The following MYO18B variants were observed in gnomAD, a reference collection of about 807,000 sequenced individuals.
The protein encoded by MYO18B is unconventional myosin-XVIIIb.
In MYO18B, 204 loss-of-function variants were observed where a neutral mutation model predicts 273.0. The observed-to-expected ratio is 0.75, with a 90% confidence interval of 0.67 to 0.84. The LOEUF is 0.84. Ranked by LOEUF, MYO18B falls within the 40% of genes least tolerant of loss-of-function variation. The pLI is 0.00. For synonymous variants in MYO18B, 1,330 were observed against 1,305.7 expected, an observed-to-expected ratio of 1.02 and a Z score of -0.40; for missense variants, 3,212 against 3,287.6, an observed-to-expected ratio of 0.98 and a Z score of 0.56.
At chr22:25,899,354 T>C (rs2091883099) in intron 29 of MYO18B, 1 of 152,200 alleles carries the variant, frequency 6.6e-6, no homozygotes, top group Non-Finnish European at 1.5e-5. Context: ...CTAATGGAGA[T>C]GTCATACTAG....
intron 39 of MYO18B, among the ~76,000 whole-genome samples, chr22:25,973,189 A>G (rs575376063): frequency 2.6e-5 from 4 of 152,254 alleles, no homozygotes; most frequent in African/African-American, 9.6e-5. Context: ...AGGTGTTCCA[A>G]TATTTACTAA....
intron 34 of MYO18B, among the ~76,000 whole-genome samples, chr22:25,923,772 T>A (rs2092382175): frequency 6.6e-6 from 1 of 152,200 alleles, no homozygotes; most frequent in Admixed American, 6.5e-5. Context: ...CCTGCCCATT[T>A]TCCATCAAAA....
At chr22:25,750,828 A>C (rs918580930) in intron 1 of MYO18B, among the ~76,000 whole-genome samples, 1 of 152,184 alleles carries the variant, frequency 6.6e-6, no homozygotes, top group Admixed American at 6.5e-5. Context: ...TCATGGAGGA[A>C]GGTGTCCCCA....
At chr22:25,974,876 G>A (rs2093071941) in intron 39 of MYO18B, among the ~76,000 whole-genome samples, 2 of 152,184 alleles carry the variant, frequency 1.3e-5, no homozygotes, top group Admixed American at 1.3e-4. Flanking sequence ...GCAGTGTCTG[G>A]CCTCCAGAGA....
At chr22:25,992,546 G>T in intron 40 of MYO18B, 53 bp downstream of exon 40, 1 of 1,609,724 alleles carries the variant, frequency 6.2e-7, no homozygotes, top group Non-Finnish European at 8.5e-7. Context: ...GCGGCATCCT[G>T]GGGAGCTCTA....
chr22:25,843,389 G>T (rs1480113300), intron 17 of MYO18B, among the ~76,000 whole-genome samples: 1 of 152,140 alleles, frequency 6.6e-6, no homozygotes, highest in Non-Finnish European at 1.5e-5. Context: ...TAAAATGAAT[G>T]TACTGTACTT....
intron 11 of MYO18B, among the ~76,000 whole-genome samples, chr22:25,788,892 C>T (rs963123105): frequency 6.6e-6 from 1 of 152,324 alleles, no homozygotes; most frequent in African/African-American, 2.4e-5. Flanking sequence ...CAAGTGACCT[C>T]ATCTCCTTGG....
At chr22:25,902,139 C>A (rs180871181) in intron 29 of MYO18B, among the ~76,000 whole-genome samples, 2 of 151,992 alleles carry the variant, frequency 1.3e-5, no homozygotes, top group Non-Finnish European at 2.9e-5. Flanking sequence ...TGCCTGGCCA[C>A]CTTTAAAATA....
intron 27 of MYO18B, chr22:25,892,679 A>G (rs2091692321): frequency 6.6e-6 from 1 of 152,184 alleles, no homozygotes. Flanking sequence ...TTTCTGTTTC[A>G]TTCTTGTTCT....
chr22:25,783,176 A>ACAGGCCCTGAC (rs920538295), intron 10 of MYO18B, among the ~76,000 whole-genome samples: 13 of 152,154 alleles, frequency 8.5e-5, no homozygotes, highest in African/African-American at 3.1e-4. Flanking sequence ...GATACCCCTG[A>ACAGGCCCTGAC]CAGGCCCTGA....
intron 40 of MYO18B, 130 bp downstream of exon 40, chr22:25,992,623 C>T: frequency 1.6e-6 from 2 of 1,224,120 alleles, no homozygotes; most frequent in Admixed American, 2.1e-5. Flanking sequence ...CTGGAGGCAC[C>T]CCTCGTTTAC....
At chr22:25,832,246 A>G (rs112472845) in intron 15 of MYO18B, among the ~76,000 whole-genome samples, 5 of 152,318 alleles carry the variant, frequency 3.3e-5, no homozygotes, top group Non-Finnish European at 5.9e-5. Context: ...CAGCAATTCC[A>G]TGTCTGGGTA....
At chr22:25,938,085 G>T (rs2092602248) in intron 34 of MYO18B, among the ~76,000 whole-genome samples, 2 of 152,134 alleles carry the variant, frequency 1.3e-5, no homozygotes, top group South Asian at 4.1e-4. Context: ...TGCTTTCCCT[G>T]TGGTGTTTGT....
chr22:26,040,383 G>A, the MYO18B span, among the ~76,000 whole-genome samples: 112 of 152,320 alleles, frequency 7.4e-4, no homozygotes, highest in Non-Finnish European at 1.4e-3. Context: ...CCTACTAGGT[G>A]TCAGGCTTTA....
chr22:25,949,946 T>C (rs80221092), intron 36 of MYO18B, among the ~76,000 whole-genome samples: 1 of 152,118 alleles, frequency 6.6e-6, no homozygotes, highest in Non-Finnish European at 1.5e-5. Flanking sequence ...GAGCTGAGAT[T>C]GTCAGTCCGT....
chr22:26,025,967 A>G (rs972062073), intron 42 of MYO18B, among the ~76,000 whole-genome samples: 12 of 152,312 alleles, frequency 7.9e-5, no homozygotes, highest in Admixed American at 3.9e-4. Flanking sequence ...ACAATCAGGG[A>G]TGTCATGGGG....
At chr22:25,934,174 A>G (rs1197986286) in intron 34 of MYO18B, among the ~76,000 whole-genome samples, 2 of 151,416 alleles carry the variant, frequency 1.3e-5, no homozygotes, top group African/African-American at 4.9e-5. Context: ...TATTTTTCTT[A>G]GTGATTTGTG....
In MYO18B at chr22:25,770,895, G is replaced by A. The variant is rs2086692974; in HGVS notation, c.1603G>A (p.Gly535Arg). ...TLATVLKPDE[G>R]TADLPAGRVR... ...AGCTACGGTGCTAAAGCCAGATGAGGGAACAGCAGACCTGCCAGCAGGAAG... is the reference window on the plus strand; with the variant it reads ...AGCTACGGTGCTAAAGCCAGATGAGAGAACAGCAGACCTGCCAGCAGGAAG... The change falls in exon 6 of 44, where the codon GGA becomes AGA. Residue 535 changes from glycine (G) to arginine (R), a missense_variant. Physicochemically the swap from Gly to Arg is moderately radical, Grantham distance 125. Transcript: ENST00000335473. The A allele has an allele frequency of 3.9e-6, 6 of 1,551,986 alleles. No homozygotes were observed. The highest frequency in any genetic ancestry group is 5.2e-6 in the Non-Finnish European group (6 of 1,147,108).
In MYO18B at chr22:26,003,271, G is replaced by A; in HGVS notation, c.6294G>A (p.Gln2098=). Residue 2098 remains glutamine, a synonymous_variant, in exon 41 of 44, where the codon CAG becomes CAA. Coordinates refer to ENST00000335473, the MANE Select transcript of MYO18B (RefSeq NM_032608.7). ...ASSDSDTESV[Q]TAVDCGSSGR... Reference sequence around the variant, plus strand: ...TTCTTGTGCCTCTTACTAGTGTCCAGACGGCAGTGGATTGTGGCAGCAGCG... The same window carrying A: ...TTCTTGTGCCTCTTACTAGTGTCCAAACGGCAGTGGATTGTGGCAGCAGCG... 6.2e-7 allele frequency: 1 copy of A among 1,609,204 alleles called. No individual in the cohort carries two copies. Among genetic ancestry groups the A allele is most frequent in the Non-Finnish European group, 8.5e-7 (1 of 1,177,860 alleles).
Sources: allele counts gnomAD v4.1 joint callset (sites outside exome capture counted in the v4.1 genomes callset), GRCh38; gene constraint gnomAD v4.1.1; transcripts MANE v1.5; gene names NCBI Gene and HGNC (gene_info 2026-07-23, HGNC 2026-07-21).